RAB6B: variants seen among roughly 807,000 people sequenced by gnomAD.
The protein encoded by RAB6B is ras-related protein Rab-6B.
RAB6B carries 7 observed loss-of-function variants against 31.2 expected under a neutral mutation model. That is an observed-to-expected ratio of 0.22 (90% CI 0.13 to 0.42). RAB6B has a LOEUF of 0.42. RAB6B is among the 10% of genes least tolerant of loss of function. The pLI, the probability that RAB6B is intolerant of heterozygous loss-of-function variation, is 1.00. For missense variants in RAB6B, 149 were observed against 280.6 expected, an observed-to-expected ratio of 0.53 and a Z score of 3.35; for synonymous variants, 105 against 104.9, an observed-to-expected ratio of 1.00 and a Z score of -0.01.
chr3:133,890,299 C>T (rs927276959), intron 1 of RAB6B, among the ~76,000 whole-genome samples: 3 of 152,014 alleles, frequency 2.0e-5, no homozygotes, highest in Non-Finnish European at 2.9e-5. Context: ...TTGTGAGTTG[C>T]GCATGACCAA....
chr3:133,864,242 C>A (rs1936204595), intron 2 of RAB6B, among the ~76,000 whole-genome samples: 1 of 152,100 alleles, frequency 6.6e-6, no homozygotes, highest in South Asian at 2.1e-4. Flanking sequence ...GCAAGTTCGC[C>A]TAACACTCTC....
intron 1 of RAB6B, among the ~76,000 whole-genome samples, chr3:133,871,749 T>TGCA (rs1382924340): frequency 6.6e-6 from 1 of 152,252 alleles, no homozygotes; most frequent in Non-Finnish European, 1.5e-5. Context: ...AGCCAGAGAC[T>TGCA]GCACGGAGGG....
At chr3:133,871,447 A>G (rs1365908634) in intron 1 of RAB6B, among the ~76,000 whole-genome samples, 1 of 152,198 alleles carries the variant, frequency 6.6e-6, no homozygotes, top group Non-Finnish European at 1.5e-5. Flanking sequence ...TGAGGCTGAG[A>G]TTCCTCTGCT....
intron 2 of RAB6B, among the ~76,000 whole-genome samples, chr3:133,847,668 C>G (rs1335874744): frequency 6.6e-6 from 1 of 152,218 alleles, no homozygotes; most frequent in Non-Finnish European, 1.5e-5. Context: ...TATGCCCACC[C>G]ATTTCTCAAC....
chr3:133,885,202 A>T (rs187926511), intron 1 of RAB6B, among the ~76,000 whole-genome samples: 1 of 150,856 alleles, frequency 6.6e-6, no homozygotes, highest in Admixed American at 6.6e-5. Flanking sequence ...CACATCCAAC[A>T]GCCAGAGGAT....
At chr3:133,849,490 G>A (rs1339251341) in intron 2 of RAB6B, among the ~76,000 whole-genome samples, 1 of 152,250 alleles carries the variant, frequency 6.6e-6, no homozygotes, top group African/African-American at 2.4e-5. Flanking sequence ...GTCCAGGAGT[G>A]GCAGATGCCC....
chr3:133,858,505 TC>T (rs1936114041), intron 2 of RAB6B, among the ~76,000 whole-genome samples: 1 of 152,202 alleles, frequency 6.6e-6, no homozygotes, highest in South Asian at 2.1e-4. Context: ...TGAGAGGCCC[TC>T]CCTGGCTTAC....
chr3:133,843,922 C>A (rs1361774542), intron 2 of RAB6B, among the ~76,000 whole-genome samples: 1 of 152,200 alleles, frequency 6.6e-6, no homozygotes, highest in Non-Finnish European at 1.5e-5. Flanking sequence ...TTCAGCAGCG[C>A]TGGACTGCTC....
chr3:133,851,028 A>G (rs1297072276), intron 2 of RAB6B, among the ~76,000 whole-genome samples: 2 of 152,026 alleles, frequency 1.3e-5, no homozygotes, highest in Non-Finnish European at 2.9e-5. Flanking sequence ...GAAAAAAAAA[A>G]AAAACCGTGG....
At chr3:133,888,361 T>C (rs568480013) in intron 1 of RAB6B, among the ~76,000 whole-genome samples, 2 of 152,354 alleles carry the variant, frequency 1.3e-5, no homozygotes, top group Admixed American at 6.5e-5. Context: ...GGATGTTCAA[T>C]AAATGCCACG....
At chr3:133,870,556 C>T (rs983309521) in intron 1 of RAB6B, among the ~76,000 whole-genome samples, 1 of 152,078 alleles carries the variant, frequency 6.6e-6, no homozygotes, top group Non-Finnish European at 1.5e-5. Flanking sequence ...CAGAGAGGAG[C>T]CCAGAACTCC....
intron 1 of RAB6B, among the ~76,000 whole-genome samples, chr3:133,872,670 G>C (rs1936342769): frequency 6.6e-6 from 1 of 152,216 alleles, no homozygotes; most frequent in Admixed American, 6.5e-5. Context: ...ATGCATCTTT[G>C]GCAGCTCCCA....
In RAB6B at chr3:133,895,536, G is replaced by A; in HGVS notation, c.-70C>T. ...AAGGAGCAGGGAGGGGAGAGTAGGAGGGCGAGGGGAGGCGGCCGGCGGTGC... is the reference window on the plus strand; with the variant it reads ...AAGGAGCAGGGAGGGGAGAGTAGGAAGGCGAGGGGAGGCGGCCGGCGGTGC... On this transcript the variant is annotated 5_prime_UTR_variant, in exon 1 of 8. Coordinates refer to ENST00000285208, the MANE Select transcript of RAB6B (RefSeq NM_016577.4). The A allele has an allele frequency of 2.0e-6, 3 of 1,530,970 alleles. No homozygotes were observed. Among genetic ancestry groups the A allele is most frequent in the Non-Finnish European group, 2.7e-6 (3 of 1,113,248 alleles). The allele number at this position is 1,530,970 out of a possible 1,614,324, so 94.8% of individuals were successfully genotyped here.
At chr3:133,841,156 G>T in intron 4 of RAB6B, 129 bp downstream of exon 4, 1 of 808,576 alleles carries the variant, frequency 1.2e-6, no homozygotes, top group Non-Finnish European at 2.0e-6. Context: ...CATTCAGGGA[G>T]CAATCGCACA....
intron 2 of RAB6B, among the ~76,000 whole-genome samples, chr3:133,859,484 T>G (rs570580774): frequency 3.9e-5 from 6 of 152,260 alleles, no homozygotes; most frequent in African/African-American, 1.4e-4. Flanking sequence ...ACGGGGAACC[T>G]TCTGGCTTGA....
chr3:133,870,819 T>C (rs1304634275), intron 1 of RAB6B, among the ~76,000 whole-genome samples: 2 of 15,048 alleles, frequency 1.3e-4, no homozygotes, highest in Non-Finnish European at 2.9e-4. Flanking sequence ...AAACAGTTAT[T>C]TTTCTTACCC....
At chr3:133,879,774 T>C (rs555436911) in intron 1 of RAB6B, among the ~76,000 whole-genome samples, 9 of 152,328 alleles carry the variant, frequency 5.9e-5, no homozygotes, top group Admixed American at 2.6e-4. Flanking sequence ...CCTTCTCACA[T>C]ACACTTGGCA....
chr3:133,886,567 G>A (rs7631892), intron 1 of RAB6B, among the ~76,000 whole-genome samples: 1,534 of 152,250 alleles, frequency 0.01, 21 homozygotes, highest in African/African-American at 0.031. Flanking sequence ...GGGATGGGGA[G>A]CTGGGGAAAA....
At chr3:133,864,393 C>T (rs374125774) in intron 2 of RAB6B, among the ~76,000 whole-genome samples, 191 bp downstream of exon 2, 65 of 152,166 alleles carry the variant, frequency 4.3e-4, no homozygotes, top group African/African-American at 1.5e-3. Context: ...TTCCCTTTAC[C>T]GAGGGGTGGA....
Sources: allele counts gnomAD v4.1 joint callset (sites outside exome capture counted in the v4.1 genomes callset), GRCh38; gene constraint gnomAD v4.1.1; transcripts MANE v1.5; gene names NCBI Gene and HGNC (gene_info 2026-07-23, HGNC 2026-07-21).